The following SORCS1 variants were observed in gnomAD, a reference collection of about 807,000 sequenced individuals.
The protein encoded by SORCS1 is sortilin related VPS10 domain containing receptor 1, also known as VPS10 domain-containing receptor SorCS1.
Under a neutral mutation model 146.1 loss-of-function variants are expected in SORCS1, and 60 were observed. The observed-to-expected ratio is 0.41, with a 90% confidence interval of 0.33 to 0.51. The LOEUF is 0.51. Ranked by LOEUF, SORCS1 falls within the 20% of genes least tolerant of loss-of-function variation. The pLI, the probability that SORCS1 is intolerant of heterozygous loss-of-function variation, is 0.21. For synonymous variants in SORCS1, 637 were observed against 584.0 expected (o/e 1.09, Z -1.31); for missense variants, 1,352 against 1,487.6 (o/e 0.91, Z 1.50).
intron 21 of SORCS1, among the ~76,000 whole-genome samples, chr10:106,617,366 A>T (rs991714737): frequency 7.2e-5 from 11 of 151,876 alleles, no homozygotes; most frequent in Admixed American, 3.3e-4. Context: ...TCAAAAGCTA[A>T]TTTTTCAGGA....
chr10:107,163,904 T>C, intron 1 of SORCS1, 65 bp downstream of exon 1: 1 of 1,528,868 alleles, frequency 6.5e-7, no homozygotes, highest in Non-Finnish European at 8.9e-7. Context: ...CTCCATCAGA[T>C]CACACAGCCG....
chr10:106,648,477 T>C lies in SORCS1; in HGVS notation c.2475+3905A>G, dbSNP rs190729002. ...TTCTGATGTATTTTAATGCTACATA[T>C]ATTTTAAATCCCACAGCTGATTATC... On this transcript the variant is annotated intron_variant, in intron 18 of 25. Transcript: ENST00000263054. 2.3e-3 allele frequency among the ~76,000 whole-genome samples: 350 copies of C among 152,340 alleles called. 3 individuals are homozygous for C. Among genetic ancestry groups the C allele is most frequent in the Admixed American group, 5.8e-3 (88 of 15,298 alleles).
At position 106,577,280 on chromosome 10, in the gene SORCS1, T is replaced by C; in HGVS notation, c.*140A>G. 1 of 1,607,188 alleles carries C rather than the reference T, an allele frequency of 6.2e-7. No homozygotes were observed. Among genetic ancestry groups the C allele is most frequent in the South Asian group, 1.1e-5 (1 of 90,158 alleles). On this transcript the variant is annotated 3_prime_UTR_variant, in exon 26 of 26. Coordinates refer to ENST00000263054, the MANE Select transcript of SORCS1 (RefSeq NM_052918.5). ...CTTTGATTCTCAGCAACTATGGAAATACTTCCTGGCAAAATAGGAAACAGA... is the reference window on the plus strand; with the variant it reads ...CTTTGATTCTCAGCAACTATGGAAACACTTCCTGGCAAAATAGGAAACAGA...
intron 1 of SORCS1, among the ~76,000 whole-genome samples, chr10:107,086,530 C>T (rs572426309): frequency 1.3e-5 from 2 of 152,244 alleles, no homozygotes; most frequent in South Asian, 4.1e-4. Flanking sequence ...GGTCTAGATT[C>T]AACATTTTCA....
At chr10:106,628,558 A>C (rs552780867) in intron 19 of SORCS1, among the ~76,000 whole-genome samples, 1 of 152,298 alleles carries the variant, frequency 6.6e-6, no homozygotes, top group Admixed American at 6.5e-5. Context: ...TTGTCTCATC[A>C]TACTTACTCA....
At position 106,620,383 on chromosome 10, in the gene SORCS1, G is replaced by A. The variant is rs756923177; in HGVS notation, c.2796+45C>T. Reference sequence around the variant, plus strand: ...TTCCCTCCTTTGCTTCAGGCAGCGTGAATTGAGCTTCTGTCCCTAGATCGC... The same window carrying A: ...TTCCCTCCTTTGCTTCAGGCAGCGTAAATTGAGCTTCTGTCCCTAGATCGC... On this transcript the variant is annotated intron_variant, in intron 20 of 25. Coordinates refer to ENST00000263054, the MANE Select transcript of SORCS1 (RefSeq NM_052918.5). 4.4e-6 allele frequency: 7 copies of A among 1,583,846 alleles called. No individual in the cohort carries two copies. In the South Asian group the frequency reaches 6.9e-5, roughly 16 times the overall value.
chr10:106,957,369 G>A (rs1319053985), intron 1 of SORCS1, among the ~76,000 whole-genome samples: 5 of 151,776 alleles, frequency 3.3e-5, no homozygotes, highest in South Asian at 4.2e-4. Flanking sequence ...ATGGGGTTTC[G>A]CCATGTTGGG....
At chr10:106,911,360 AG>A (rs763590000) in intron 2 of SORCS1, among the ~76,000 whole-genome samples, 1 of 152,202 alleles carries the variant, frequency 6.6e-6, no homozygotes, top group Non-Finnish European at 1.5e-5. Context: ...CTGTAGTAGC[AG>A]GGGGGTCACT....
At chr10:106,913,035 C>T (rs10884374) in intron 2 of SORCS1, among the ~76,000 whole-genome samples, 54,692 of 150,954 alleles carry the variant, frequency 0.36, 10,049 homozygotes, top group South Asian at 0.45. Flanking sequence ...AAAGCCAGAT[C>T]GTGAGCCTGT....
intron 5 of SORCS1, among the ~76,000 whole-genome samples, chr10:106,745,358 C>T (rs957288757): frequency 4.0e-5 from 6 of 150,118 alleles, no homozygotes; most frequent in East Asian, 2.0e-4. Context: ...TTGCAATAAG[C>T]GGAGATTGTG....
intron 3 of SORCS1, among the ~76,000 whole-genome samples, chr10:106,816,944 G>A (rs1247949699): frequency 6.6e-6 from 1 of 152,152 alleles, no homozygotes. Flanking sequence ...AGTCCTCTGT[G>A]GGAGTCTGTA....
intron 2 of SORCS1, among the ~76,000 whole-genome samples, chr10:106,873,914 G>A (rs1042299424): frequency 2.0e-5 from 3 of 152,134 alleles, no homozygotes; most frequent in East Asian, 1.9e-4. Flanking sequence ...CTCTGAAGTC[G>A]CCAATGCAGG....
chr10:106,996,018 C>T (rs1468474000), intron 1 of SORCS1, among the ~76,000 whole-genome samples: 1 of 151,788 alleles, frequency 6.6e-6, no homozygotes, highest in Admixed American at 6.6e-5. Context: ...CAGGACCACC[C>T]TGTGATCATG....
chr10:107,097,321 ATTAT>A (rs1964608585), intron 1 of SORCS1, among the ~76,000 whole-genome samples: 1 of 152,188 alleles, frequency 6.6e-6, no homozygotes, highest in South Asian at 2.1e-4. Flanking sequence ...TTTTAAGCAA[ATTAT>A]TTATTTATTC....
intron 5 of SORCS1, among the ~76,000 whole-genome samples, chr10:106,748,508 C>A (rs1257271476): frequency 6.6e-6 from 1 of 152,122 alleles, no homozygotes; most frequent in Non-Finnish European, 1.5e-5. Flanking sequence ...TCAGGCCTCC[C>A]TATTCCCCGA....
chr10:107,090,938 A>T (rs1964140400), intron 1 of SORCS1, among the ~76,000 whole-genome samples: 1 of 151,986 alleles, frequency 6.6e-6, no homozygotes, highest in Non-Finnish European at 1.5e-5. Flanking sequence ...ACACACACAC[A>T]CACACGTACA....
intron 2 of SORCS1, among the ~76,000 whole-genome samples, chr10:106,953,458 C>A (rs1280882058): frequency 6.6e-6 from 1 of 151,960 alleles, no homozygotes; most frequent in Non-Finnish European, 1.5e-5. Flanking sequence ...TTTCCCCCAA[C>A]AGTTTTGATC....
chr10:107,154,781 G>C (rs974883365), intron 1 of SORCS1, among the ~76,000 whole-genome samples: 1 of 152,170 alleles, frequency 6.6e-6, no homozygotes, highest in Non-Finnish European at 1.5e-5. Flanking sequence ...TGTAATAACA[G>C]CTAACCCTTA....
intron 18 of SORCS1, among the ~76,000 whole-genome samples, chr10:106,647,226 T>C (rs1010043827): frequency 6.6e-6 from 1 of 151,990 alleles, no homozygotes; most frequent in African/African-American, 2.4e-5. Flanking sequence ...CTTTTTATAA[T>C]ACTGAGTCTT....
Sources: gnomAD v4.1 joint callset for allele counts (sites outside exome capture counted in the v4.1 genomes callset) on GRCh38, gnomAD v4.1.1 for gene constraint, MANE v1.5 for transcripts, NCBI Gene and HGNC (gene_info 2026-07-23, HGNC 2026-07-21) for gene names.